The following TRPC5 variants were observed in gnomAD, a reference collection of about 807,000 sequenced individuals.
The protein encoded by TRPC5 is short transient receptor potential channel 5.
A neutral mutation model predicts 56.5 loss-of-function variants in TRPC5; 9 were observed. That is an observed-to-expected ratio of 0.16 (90% CI 0.10 to 0.28). TRPC5 has a LOEUF of 0.28. Ranked by LOEUF, TRPC5 falls within the 10% of genes least tolerant of loss-of-function variation. TRPC5 has a pLI of 1.00. For synonymous variants in TRPC5, 282 were observed against 278.5 expected, an observed-to-expected ratio of 1.01 and a Z score of -0.13; for missense variants, 469 against 748.9, an observed-to-expected ratio of 0.63 and a Z score of 4.36.
At position 111,773,588 on chromosome X, in the gene TRPC5, T is replaced by C. The variant is rs1273898711; in HGVS notation, c.*2725A>G. Among the ~76,000 whole-genome samples the C allele has an allele frequency of 8.9e-6, 1 of 111,759 alleles. No individual in the cohort carries two copies. Among genetic ancestry groups the C allele is most frequent in the African/African-American group, 3.2e-5 (1 of 30,819 alleles). ...GTGTCTGTAGTGGCCACTTCACATC[T>C]ATATATAACATATATGCTTACTAAT... On this transcript the variant is annotated 3_prime_UTR_variant, in exon 11 of 11. Transcript: ENST00000262839.
chrX:111,810,999 A>G (rs1402038450), intron 7 of TRPC5, among the ~76,000 whole-genome samples: 1 of 112,301 alleles, frequency 8.9e-6, no homozygotes, highest in Non-Finnish European at 1.9e-5. Context: ...ATTATATAAC[A>G]TTACAATAAA....
intron 1 of TRPC5, among the ~76,000 whole-genome samples, chrX:112,029,016 A>G (rs1270621695): frequency 8.9e-6 from 1 of 112,328 alleles, no homozygotes; most frequent in Non-Finnish European, 1.9e-5. Context: ...ACTTTTAGTT[A>G]TTTTAAAATA....
chrX:111,811,595 TG>T (rs890894692), intron 7 of TRPC5, among the ~76,000 whole-genome samples: 4 of 111,312 alleles, frequency 3.6e-5, no homozygotes, highest in East Asian at 5.6e-4. Flanking sequence ...GCAGAGGTTT[TG>T]GGGGGGAGTC....
chrX:111,862,780 T>G (rs1485633143), intron 3 of TRPC5, among the ~76,000 whole-genome samples: 1 of 112,272 alleles, frequency 8.9e-6, no homozygotes, highest in Non-Finnish European at 1.9e-5. Flanking sequence ...TGTTACCATT[T>G]TAACAATATG....
intron 1 of TRPC5, among the ~76,000 whole-genome samples, chrX:111,971,230 A>G (rs1459686308): frequency 8.9e-6 from 1 of 111,740 alleles, no homozygotes; most frequent in Non-Finnish European, 1.9e-5. Flanking sequence ...CTTAGAGACT[A>G]TTGGGTTAGA....
intron 1 of TRPC5, among the ~76,000 whole-genome samples, chrX:111,994,679 T>G (rs889248790): frequency 1.8e-5 from 2 of 111,332 alleles, no homozygotes; most frequent in Non-Finnish European, 3.8e-5. Context: ...TGAATGGGAG[T>G]TCACTCACGA....
At chrX:112,006,219 T>C (rs894518120) in intron 1 of TRPC5, among the ~76,000 whole-genome samples, 9 of 110,747 alleles carry the variant, frequency 8.1e-5, no homozygotes, top group African/African-American at 3.0e-4. Flanking sequence ...GAAAGGGAAG[T>C]AGAGGGCCAT....
At chrX:111,971,533 T>A (rs1427540047) in intron 1 of TRPC5, among the ~76,000 whole-genome samples, 1 of 111,335 alleles carries the variant, frequency 9.0e-6, no homozygotes, top group Non-Finnish European at 1.9e-5. Flanking sequence ...GCCTCTTGAG[T>A]GCTGTTTCCC....
At chrX:111,930,746 T>C (rs967107824) in intron 2 of TRPC5, 1 of 111,836 alleles carries the variant, frequency 8.9e-6, no homozygotes, top group Admixed American at 9.5e-5. Context: ...TGCAGCTATT[T>C]ATTCATGCCC....
chrX:111,914,341 C>T (rs1449589113), intron 2 of TRPC5, among the ~76,000 whole-genome samples: 3 of 111,511 alleles, frequency 2.7e-5, no homozygotes, highest in African/African-American at 6.5e-5. Flanking sequence ...AGAGACAAAT[C>T]GTGTTTTAAT....
intron 3 of TRPC5, among the ~76,000 whole-genome samples, chrX:111,908,532 C>T (rs367787669): frequency 9.0e-6 from 1 of 111,112 alleles, no homozygotes; most frequent in African/African-American, 3.3e-5. Flanking sequence ...TTCTTTATCA[C>T]TATTGACATT....
intron 3 of TRPC5, among the ~76,000 whole-genome samples, chrX:111,859,979 G>A (rs1185565143): frequency 8.8e-6 from 1 of 113,149 alleles, no homozygotes; most frequent in African/African-American, 3.2e-5. Flanking sequence ...CGAGATCTCA[G>A]CTCACTGCAA....
At chrX:111,960,227 C>T (rs1369283991) in intron 1 of TRPC5, among the ~76,000 whole-genome samples, 1 of 111,954 alleles carries the variant, frequency 8.9e-6, no homozygotes, top group East Asian at 2.8e-4. Context: ...ACAGGGGACT[C>T]TTTCAATTTT....
chrX:111,941,675 C>A (rs755996294), intron 2 of TRPC5, among the ~76,000 whole-genome samples: 1 of 112,321 alleles, frequency 8.9e-6, no homozygotes, highest in Admixed American at 9.4e-5. Context: ...TGTGGCATTG[C>A]AGCCACTTGT....
At chrX:111,863,995 T>A (rs1247880113) in intron 3 of TRPC5, among the ~76,000 whole-genome samples, 3 of 111,453 alleles carry the variant, frequency 2.7e-5, no homozygotes, top group African/African-American at 9.8e-5. Flanking sequence ...TCTTTTTTAT[T>A]ATTTTTTTTG....
intron 7 of TRPC5, among the ~76,000 whole-genome samples, chrX:111,786,176 T>C (rs751316215): frequency 9.0e-6 from 1 of 111,226 alleles, no homozygotes; most frequent in African/African-American, 3.3e-5. Context: ...GAAGGTCGAG[T>C]TACCCACAAA....
chrX:111,909,611 C>T (rs1925751781), intron 3 of TRPC5, among the ~76,000 whole-genome samples: 1 of 110,505 alleles, frequency 9.0e-6, no homozygotes, highest in African/African-American at 3.3e-5. Flanking sequence ...CAGGAATGGA[C>T]CCTGGAAACA....
intron 1 of TRPC5, among the ~76,000 whole-genome samples, chrX:112,038,988 C>T (rs1230893956): frequency 9.1e-6 from 1 of 110,181 alleles, no homozygotes; most frequent in African/African-American, 3.3e-5. Flanking sequence ...CCGCGCCCAG[C>T]CTATGGGGCC....
At chrX:111,915,072 T>A (rs1925934858) in intron 2 of TRPC5, among the ~76,000 whole-genome samples, 1 of 110,263 alleles carries the variant, frequency 9.1e-6, no homozygotes, top group African/African-American at 3.3e-5. Context: ...TCTCTCTCTC[T>A]CTCTCTCTCC....
Sources: allele counts gnomAD v4.1 joint callset (sites outside exome capture counted in the v4.1 genomes callset), GRCh38; gene constraint gnomAD v4.1.1; transcripts MANE v1.5; gene names NCBI Gene and HGNC (gene_info 2026-07-23, HGNC 2026-07-21).